Variants in MTMR10 observed in about 807,000 individuals in gnomAD.
MTMR10 encodes the protein myotubularin-related protein 10.
Under a neutral mutation model 88.1 loss-of-function variants are expected in MTMR10, and 56 were observed. That is an observed-to-expected ratio of 0.64 (90% CI 0.51 to 0.79). MTMR10 has a LOEUF of 0.79. Ranked by LOEUF, MTMR10 falls within the 30% of genes least tolerant of loss-of-function variation. The pLI, the probability that MTMR10 is intolerant of heterozygous loss-of-function variation, is 0.00. For missense variants in MTMR10, 883 were observed against 924.7 expected (o/e 0.95, Z 0.58); for synonymous variants, 380 against 340.9 (o/e 1.11, Z -1.26).
rs1204371424 is a variant in MTMR10 at position 30,940,731 on chromosome 15, T to C, written c.*739A>G. ...GCTATGAAGCTTAGTATGAAAAGCC[T>C]ATTTCAAATATGCAATGGGATTTTC... On this transcript the variant is annotated 3_prime_UTR_variant, in exon 16 of 16. Coordinates refer to ENST00000435680, the MANE Select transcript of MTMR10 (RefSeq NM_017762.3). 1 of 989,822 alleles carries C rather than the reference T, an allele frequency of 1.0e-6. No individual in the cohort carries two copies. The highest frequency in any genetic ancestry group is 1.2e-6 in the Non-Finnish European group (1 of 832,872). The allele number at this position is 989,822 out of a possible 1,614,324, so 61.3% of individuals were successfully genotyped here.
At position 30,939,081 on chromosome 15, in the gene MTMR10, G is replaced by A. The variant is rs529147631; in HGVS notation, c.*2389C>T. The A allele has an allele frequency of 2.5e-5, 25 of 985,370 alleles. No homozygotes were observed. In the East Asian group the frequency reaches 1.7e-3, roughly 67 times the overall value. 61.0% of individuals were successfully genotyped at this position (985,370 alleles called of 1,614,324 possible). A position where few individuals can be genotyped will look rare whatever the true frequency, so the allele number is the denominator to read the frequency against. On this transcript the variant is annotated 3_prime_UTR_variant, in exon 16 of 16. Coordinates refer to ENST00000435680, the MANE Select transcript of MTMR10 (RefSeq NM_017762.3). Reference sequence around the variant, plus strand: ...TAGGCACAAAGGTTTTAGTTTTCTCGGGAAATCAAGTTTTAACCACTTGAG... The same window carrying A: ...TAGGCACAAAGGTTTTAGTTTTCTCAGGAAATCAAGTTTTAACCACTTGAG...
intron 15 of MTMR10, chr15:30,942,351 G>A (rs1315841274): frequency 1.5e-5 from 7 of 470,812 alleles, no homozygotes; most frequent in Admixed American, 3.8e-5. Context: ...GTTCTAAGAC[G>A]GGCTAGAAAA....
At chr15:30,937,281 G>A (rs1274740497), downstream of MTMR10, 1 of 1,590,290 alleles carries the variant, frequency 6.3e-7, no homozygotes, top group African/African-American at 1.4e-5. Flanking sequence ...GGGATATTTG[G>A]TCATACATTA....
chr15:30,979,714 C>T (rs948039278), intron 2 of MTMR10, among the ~76,000 whole-genome samples: 14 of 152,220 alleles, frequency 9.2e-5, no homozygotes, highest in African/African-American at 3.1e-4. Flanking sequence ...AGGAGTCAAA[C>T]GCCCATGGAC....
the MTMR10 span, among the ~76,000 whole-genome samples, chr15:30,929,728 TATATA>T: frequency 3.2e-3 from 136 of 42,544 alleles, 3 homozygotes; most frequent in Middle Eastern, 7.4e-3. Context: ...ATATATAAAA[TATATA>T]ATATATTATA....
At chr15:30,954,915 T>C in intron 9 of MTMR10, 22 bp from the exon 10 acceptor site, 1 of 1,521,330 alleles carries the variant, frequency 6.6e-7, no homozygotes, top group Non-Finnish European at 8.9e-7. Flanking sequence ...AAAAATACTT[T>C]AGTCATTACT....
chr15:30,959,636 G>C (rs1181047398), intron 7 of MTMR10, among the ~76,000 whole-genome samples: 1 of 152,194 alleles, frequency 6.6e-6, no homozygotes, highest in Non-Finnish European at 1.5e-5. Flanking sequence ...TCCCCGACGT[G>C]GCTGGGCAGC....
At chr15:30,982,006 G>A (rs2030610032) in intron 2 of MTMR10, among the ~76,000 whole-genome samples, 1 of 151,856 alleles carries the variant, frequency 6.6e-6, no homozygotes. Context: ...GGGAGCTGGA[G>A]GTTGCGGTGA....
At chr15:30,921,691 A>G in the MTMR10 span, among the ~76,000 whole-genome samples, 4 of 152,190 alleles carry the variant, frequency 2.6e-5, no homozygotes, top group African/African-American at 9.6e-5. Context: ...GGGGTAAATC[A>G]TTCCATATTA....
intron 15 of MTMR10, chr15:30,942,445 C>G: frequency 3.3e-6 from 1 of 302,396 alleles, no homozygotes. Flanking sequence ...ATTCTTTGTT[C>G]TGTACCTTTC....
the MTMR10 span, among the ~76,000 whole-genome samples, chr15:30,925,635 C>G: frequency 6.6e-6 from 1 of 152,258 alleles, no homozygotes; most frequent in Non-Finnish European, 1.5e-5. Context: ...ACTGTCACAT[C>G]CCCGCAGTTC....
At chr15:30,954,974 T>A in intron 9 of MTMR10, 81 bp from the exon 10 acceptor site, 1 of 1,261,476 alleles carries the variant, frequency 7.9e-7, no homozygotes, top group Non-Finnish European at 1.1e-6. Context: ...GACCAGGGGA[T>A]AGAGAGAGGA....
chr15:30,978,829 C>T (rs2030348345), intron 2 of MTMR10, among the ~76,000 whole-genome samples: 1 of 151,548 alleles, frequency 6.6e-6, no homozygotes, highest in African/African-American at 2.4e-5. Context: ...TAGCAAGTAC[C>T]AAAACTTATT....
the MTMR10 span, chr15:30,925,161 C>T: frequency 9.9e-6 from 16 of 1,613,798 alleles, no homozygotes; most frequent in South Asian, 4.4e-5. Flanking sequence ...CTGGCGGATC[C>T]GGAAGTCAGA....
At chr15:30,983,947 T>C (rs532400860) in intron 2 of MTMR10, among the ~76,000 whole-genome samples, 69 of 152,260 alleles carry the variant, frequency 4.5e-4, no homozygotes, top group African/African-American at 1.4e-3. Flanking sequence ...AGGAAGGGTA[T>C]AGTGCCGATC....
downstream of MTMR10, among the ~76,000 whole-genome samples, chr15:30,934,425 G>A (rs1455930648): frequency 6.6e-6 from 1 of 152,096 alleles, no homozygotes; most frequent in Admixed American, 6.5e-5. Context: ...TTTGATTATT[G>A]ATATCCTTAG....
chr15:30,973,833 G>C (rs1357377179), intron 5 of MTMR10, among the ~76,000 whole-genome samples: 2 of 152,126 alleles, frequency 1.3e-5, no homozygotes, highest in Non-Finnish European at 2.9e-5. Context: ...CCCCTGTTGA[G>C]TGTCACTCAA....
chr15:30,919,288 G>A, the MTMR10 span, among the ~76,000 whole-genome samples: 11 of 150,828 alleles, frequency 7.3e-5, no homozygotes, highest in Admixed American at 1.3e-4. Flanking sequence ...GCTGAGGCAG[G>A]AGAATCACTT....
intron 2 of MTMR10, among the ~76,000 whole-genome samples, chr15:30,988,375 A>G (rs1007388446): frequency 6.6e-6 from 1 of 152,222 alleles, no homozygotes; most frequent in South Asian, 2.1e-4. Flanking sequence ...GCCGTCATGT[A>G]TGCATGTACA....
Sources: gnomAD v4.1 joint callset for allele counts (sites outside exome capture counted in the v4.1 genomes callset) on GRCh38, gnomAD v4.1.1 for gene constraint, MANE v1.5 for transcripts, NCBI Gene and HGNC (gene_info 2026-07-23, HGNC 2026-07-21) for gene names.